The following NT5DC1 variants were observed in gnomAD, a reference collection of about 807,000 sequenced individuals.
NT5DC1 encodes 5'-nucleotidase domain-containing protein 1.
Under a neutral mutation model 59.4 loss-of-function variants are expected in NT5DC1, and 42 were observed. The observed-to-expected ratio is 0.71, with a 90% confidence interval of 0.55 to 0.92. The LOEUF (loss-of-function observed/expected upper bound fraction) is 0.92, where lower values mean the gene tolerates loss of function less well. Ranked by LOEUF, NT5DC1 falls within the 40% of genes least tolerant of loss-of-function variation. The probability of loss-of-function intolerance (pLI) is 0.00; values close to 1 mark genes in which losing one functional copy is unlikely to be tolerated. For missense variants in NT5DC1, 501 were observed against 537.1 expected (o/e 0.93, Z 0.66); for synonymous variants, 172 against 188.1 (o/e 0.91, Z 0.70).
chr6:116,114,493 G>A (rs938801817), intron 4 of NT5DC1, among the ~76,000 whole-genome samples: 3 of 127,704 alleles, frequency 2.3e-5, no homozygotes, highest in African/African-American at 8.7e-5. Context: ...AACAAGACAA[G>A]TGTGTTCCAT....
chr6:116,128,745 G>A (rs1258933497), intron 6 of NT5DC1, among the ~76,000 whole-genome samples: 2 of 152,064 alleles, frequency 1.3e-5, no homozygotes, highest in African/African-American at 4.8e-5. Context: ...AATTCCTTCA[G>A]CCTTTGAGGT....
chr6:116,101,553 A>G lies in NT5DC1; in HGVS notation c.93+530A>G, dbSNP rs555274078. Among the ~76,000 whole-genome samples, 124 of 152,308 alleles carry G rather than the reference A, an allele frequency of 8.1e-4. 1 individual carries two copies. In the Middle Eastern group the frequency reaches 0.01, roughly 13 times the overall value. The stretch of plus-strand genomic sequence containing the variant: ...TATAGTGTAGTGTATTGAAAGGAAC[A>G]CTAGTTGAAAAGTCATTAAGATCTT... On this transcript the variant is annotated intron_variant, in intron 1 of 11. Transcript: ENST00000319550.
rs1771831082 is a variant in NT5DC1 at position 116,245,525 on chromosome 6, T to G, written c.*1501T>G. ...CACAGTCAGTAGCTTTGTTTGATATTTAACAATAAGTATATGGTGATATAC... is the reference window on the plus strand; with the variant it reads ...CACAGTCAGTAGCTTTGTTTGATATGTAACAATAAGTATATGGTGATATAC... On this transcript the variant is annotated 3_prime_UTR_variant, in exon 12 of 12. Transcript: ENST00000319550. 6.6e-6 allele frequency: 1 copy of G among 152,502 alleles called. No homozygotes were observed. The highest frequency in any genetic ancestry group is 2.1e-4 in the South Asian group (1 of 4,826). The allele number at this position is 152,502 out of a possible 1,614,324, so 9.4% of individuals were successfully genotyped here. A position where few individuals can be genotyped will look rare whatever the true frequency, so the allele number is the denominator to read the frequency against.
At chr6:116,175,845 C>A (rs780876383) in intron 6 of NT5DC1, among the ~76,000 whole-genome samples, 2 of 152,114 alleles carry the variant, frequency 1.3e-5, no homozygotes, top group Non-Finnish European at 2.9e-5. Flanking sequence ...TTTAACAGTT[C>A]AATCTTAGTC....
At chr6:116,152,604 T>A (rs899707872) in intron 6 of NT5DC1, among the ~76,000 whole-genome samples, 1 of 152,136 alleles carries the variant, frequency 6.6e-6, no homozygotes, top group Admixed American at 6.6e-5. Flanking sequence ...CTTTACCAGG[T>A]CTTTATTTAA....
intron 11 of NT5DC1, among the ~76,000 whole-genome samples, chr6:116,239,908 G>A (rs1223702229): frequency 2.0e-5 from 3 of 152,130 alleles, no homozygotes; most frequent in African/African-American, 7.2e-5. Flanking sequence ...GAGAAATTTG[G>A]TAGAGACAAA....
intron 6 of NT5DC1, among the ~76,000 whole-genome samples, chr6:116,198,256 G>A (rs535776283): frequency 2.6e-5 from 4 of 152,156 alleles, no homozygotes; most frequent in Non-Finnish European, 5.9e-5. Context: ...TCAAAGCCAC[G>A]TAACTATTCC....
At chr6:116,105,849 A>T (rs535744866) in intron 1 of NT5DC1, among the ~76,000 whole-genome samples, 1 of 152,120 alleles carries the variant, frequency 6.6e-6, no homozygotes, top group South Asian at 2.1e-4. Flanking sequence ...TTTCCCTGAC[A>T]TGGGGCCTTT....
intron 6 of NT5DC1, among the ~76,000 whole-genome samples, chr6:116,208,505 T>C (rs1046026907): frequency 1.3e-5 from 2 of 152,084 alleles, no homozygotes; most frequent in African/African-American, 4.8e-5. Flanking sequence ...AACATTCCTA[T>C]TTCTTGCACA....
At chr6:116,164,942 C>CA (rs1418864138) in intron 6 of NT5DC1, among the ~76,000 whole-genome samples, 1 of 151,596 alleles carries the variant, frequency 6.6e-6, no homozygotes, top group Non-Finnish European at 1.5e-5. Flanking sequence ...AAATAAAATA[C>CA]AAAAAATTAG....
At chr6:116,138,788 G>T (rs1204547711) in intron 6 of NT5DC1, among the ~76,000 whole-genome samples, 1 of 152,046 alleles carries the variant, frequency 6.6e-6, no homozygotes, top group Non-Finnish European at 1.5e-5. Context: ...TGTATATTTA[G>T]CATGAGTTAA....
chr6:116,240,820 A>G (rs1200128364), intron 11 of NT5DC1, among the ~76,000 whole-genome samples: 3 of 152,220 alleles, frequency 2.0e-5, no homozygotes, highest in African/African-American at 7.2e-5. Context: ...TGATGGAATT[A>G]TATACCCAGT....
Position 116,226,759 on chromosome 6 carries a change from T to C in NT5DC1, c.802+3628T>C, listed in dbSNP as rs1205763499. Among the ~76,000 whole-genome samples, 11 of 152,216 alleles carry C rather than the reference T, an allele frequency of 7.2e-5. 1 individual carries two copies. In the South Asian group the frequency reaches 2.3e-3, roughly 32 times the overall value. The stretch of plus-strand genomic sequence containing the variant: ...AATAAGCACATCCTGATAATAAATA[T>C]ACCATTTTAAAAAATTGTTTTACAT... On this transcript the variant is annotated intron_variant, in intron 8 of 11. Coordinates refer to ENST00000319550, the MANE Select transcript of NT5DC1 (RefSeq NM_152729.3).
intron 6 of NT5DC1, among the ~76,000 whole-genome samples, chr6:116,174,119 G>A (rs1233446490): frequency 1.3e-5 from 2 of 152,050 alleles, no homozygotes; most frequent in Non-Finnish European, 2.9e-5. Flanking sequence ...TCATATGAGG[G>A]GTACATGCTG....
chr6:116,206,365 G>A (rs1462464727), intron 6 of NT5DC1, among the ~76,000 whole-genome samples: 3 of 151,994 alleles, frequency 2.0e-5, no homozygotes, highest in African/African-American at 7.2e-5. Context: ...TGGGGTGAGT[G>A]TTATAACTGT....
At chr6:116,194,979 G>A (rs79343042) in intron 6 of NT5DC1, among the ~76,000 whole-genome samples, 6,172 of 152,154 alleles carry the variant, frequency 0.041, 420 homozygotes, top group African/African-American at 0.14. Flanking sequence ...GATATACAGT[G>A]ATTATTCAAA....
chr6:116,191,725 A>C (rs1781121322), intron 6 of NT5DC1, among the ~76,000 whole-genome samples: 1 of 152,054 alleles, frequency 6.6e-6, no homozygotes, highest in Non-Finnish European at 1.5e-5. Context: ...TAGTTTATAT[A>C]AGTTTCTAGG....
At chr6:116,233,313 T>G (rs1782053610) in intron 8 of NT5DC1, among the ~76,000 whole-genome samples, 1 of 152,208 alleles carries the variant, frequency 6.6e-6, no homozygotes, top group South Asian at 2.1e-4. Flanking sequence ...AACTATAAAA[T>G]TCAGTTCAAA....
At chr6:116,213,101 A>G (rs1410838992) in intron 6 of NT5DC1, among the ~76,000 whole-genome samples, 1 of 152,138 alleles carries the variant, frequency 6.6e-6, no homozygotes, top group Non-Finnish European at 1.5e-5. Flanking sequence ...TAGATTATCT[A>G]TTGCTCCATA....
Sources: gnomAD v4.1 joint callset for allele counts (sites outside exome capture counted in the v4.1 genomes callset) on GRCh38, gnomAD v4.1.1 for gene constraint, MANE v1.5 for transcripts, NCBI Gene and HGNC (gene_info 2026-07-23, HGNC 2026-07-21) for gene names.